HMCN1: variants seen among roughly 807,000 people sequenced by gnomAD.
HMCN1 encodes the protein hemicentin-1.
Under a neutral mutation model 625.9 loss-of-function variants are expected in HMCN1, and 321 were observed. That is an observed-to-expected ratio of 0.51 (90% confidence interval 0.47 to 0.56). HMCN1 has a LOEUF of 0.56. Among genes scored for constraint, HMCN1 ranks in the 20% least tolerant of loss-of-function variants. The pLI, the probability that HMCN1 is intolerant of heterozygous loss-of-function variation, is 0.00. For missense variants in HMCN1, 6,588 were observed against 6,887.3 expected (o/e 0.96, Z 1.54); for synonymous variants, 2,425 against 2,417.6 (o/e 1.00, Z -0.09).
At chr1:186,156,196 TTAAC>T (rs1651009248) in intron 97 of HMCN1, among the ~76,000 whole-genome samples, 5 of 152,120 alleles carry the variant, frequency 3.3e-5, no homozygotes, top group Admixed American at 2.6e-4. Context: ...ATATATAAAT[TTAAC>T]TAACTACAGA....
intron 68 of HMCN1, 129 bp downstream of exon 68, chr1:186,095,650 A>ATT: frequency 1.1e-6 from 1 of 887,388 alleles, no homozygotes; most frequent in Non-Finnish European, 1.7e-6. Flanking sequence ...TTGCATTTTA[A>ATT]TTTTTTTTAT....
intron 36 of HMCN1, 94 bp from the exon 37 acceptor site, chr1:186,037,835 AAGAAG>A: frequency 1.3e-6 from 1 of 763,858 alleles, no homozygotes; most frequent in Non-Finnish European, 2.3e-6. Flanking sequence ...ATGTGAAAAA[AAGAAG>A]AGAGGAAGAA....
At chr1:186,175,796 A>C (rs1217857360) in intron 103 of HMCN1, among the ~76,000 whole-genome samples, 2 of 150,098 alleles carry the variant, frequency 1.3e-5, no homozygotes, top group Non-Finnish European at 2.9e-5. Context: ...AGACAAGACA[A>C]TCTCTTGATG....
chr1:186,178,843 G>GT (rs1230190279), intron 104 of HMCN1, 77 bp downstream of exon 104: 4 of 1,000,312 alleles, frequency 4.0e-6, no homozygotes, highest in Non-Finnish European at 6.4e-6. Context: ...ACCTGTGATT[G>GT]TTTGAGTGCA....
chr1:186,008,979 A>G (rs557036634), intron 30 of HMCN1, among the ~76,000 whole-genome samples: 1 of 152,204 alleles, frequency 6.6e-6, no homozygotes, highest in Non-Finnish European at 1.5e-5. Context: ...ATATCTATAA[A>G]TAAAAGCCTT....
At chr1:186,069,075 A>G (rs971816126) in intron 50 of HMCN1, among the ~76,000 whole-genome samples, 31 of 152,286 alleles carry the variant, frequency 2.0e-4, no homozygotes, top group African/African-American at 7.5e-4. Context: ...AGAATGGCCT[A>G]GCCCTGCGCA....
At chr1:185,880,000 C>G (rs557792263) in intron 4 of HMCN1, among the ~76,000 whole-genome samples, 1 of 152,262 alleles carries the variant, frequency 6.6e-6, no homozygotes, top group Non-Finnish European at 1.5e-5. Flanking sequence ...AGGAGCAGAG[C>G]TGTATCCATT....
At chr1:185,954,142 T>G (rs1649446203) in intron 11 of HMCN1, among the ~76,000 whole-genome samples, 1 of 152,160 alleles carries the variant, frequency 6.6e-6, no homozygotes, top group South Asian at 2.1e-4. Flanking sequence ...CTTCAGTTAC[T>G]TCAGGCCATC....
intron 11 of HMCN1, among the ~76,000 whole-genome samples, chr1:185,958,007 A>T (rs1649745858): frequency 6.6e-6 from 1 of 152,228 alleles, no homozygotes; most frequent in African/African-American, 2.4e-5. Context: ...AATTTCTAGT[A>T]AATTTTAAGT....
chr1:186,019,545 TC>T lies in HMCN1; in HGVS notation c.5477del (p.Pro1826GlnfsTer14). The T allele has an allele frequency of 1.9e-6, 3 of 1,608,846 alleles. No homozygotes were observed. The highest frequency in any genetic ancestry group is 2.6e-6 in the Non-Finnish European group (3 of 1,175,520). The part of the protein sequence containing the change: ...KEFEVTVHVP[P>X]TIKSSGLSER... ...CTCCCCCTTCCTTAAATATAGTTCCTCCAACAATCAAGTCCTCAGGCCTTTC... is the reference window on the plus strand; with the variant it reads ...CTCCCCCTTCCTTAAATATAGTTCCTCAACAATCAAGTCCTCAGGCCTTTC... On this transcript the variant is annotated frameshift_variant, in exon 35 of 107. Transcript: ENST00000271588. LOFTEE classifies it high-confidence loss of function.
chr1:185,809,104 C>T (rs1267315514), intron 1 of HMCN1, among the ~76,000 whole-genome samples: 1 of 152,126 alleles, frequency 6.6e-6, no homozygotes, highest in Non-Finnish European at 1.5e-5. Context: ...CATATAAGCA[C>T]TTTATTAACG....
chr1:185,885,958 T>A (rs1008998186), intron 4 of HMCN1, among the ~76,000 whole-genome samples: 2 of 152,118 alleles, frequency 1.3e-5, no homozygotes, highest in Non-Finnish European at 2.9e-5. Context: ...TTTACAATTT[T>A]GTAGACATTC....
intron 2 of HMCN1, among the ~76,000 whole-genome samples, chr1:185,846,697 T>C (rs1325016237): frequency 1.3e-5 from 2 of 152,222 alleles, no homozygotes; most frequent in Non-Finnish European, 2.9e-5. Flanking sequence ...TTCTATGGTC[T>C]CTGCCTCTGT....
chr1:185,985,302 T>A (rs1437986107), intron 19 of HMCN1, among the ~76,000 whole-genome samples: 2 of 152,158 alleles, frequency 1.3e-5, no homozygotes, highest in Non-Finnish European at 2.9e-5. Context: ...ACTGACAGAT[T>A]GGATATGGTT....
intron 1 of HMCN1, among the ~76,000 whole-genome samples, chr1:185,830,972 C>T (rs1660822159): frequency 1.3e-5 from 2 of 151,796 alleles, no homozygotes; most frequent in African/African-American, 4.8e-5. Flanking sequence ...AGCACAAAGC[C>T]CTGATGATTT....
rs201414151 is a variant in HMCN1 at position 186,041,914 on chromosome 1, T to C, written c.6304+778T>C. Among the ~76,000 whole-genome samples, 5 of 152,316 alleles carry C rather than the reference T, an allele frequency of 3.3e-5. No individual in the cohort carries two copies. The East Asian group carries it at 9.6e-4, about 29-fold the overall frequency. Reference sequence around the variant, plus strand: ...AGTCCTACCTCACTTCCAAATAATTTATTCTTTTTTGAAATACATTACCTT... The same window carrying C: ...AGTCCTACCTCACTTCCAAATAATTCATTCTTTTTTGAAATACATTACCTT... On this transcript the variant is annotated intron_variant, in intron 40 of 106. Transcript: ENST00000271588.
chr1:186,167,002 G>A, intron 100 of HMCN1, 60 bp downstream of exon 100: 2 of 1,607,002 alleles, frequency 1.2e-6, no homozygotes, highest in Non-Finnish European at 1.7e-6. Context: ...CCCACCTTTT[G>A]ACTCCTCAAA....
intron 11 of HMCN1, among the ~76,000 whole-genome samples, chr1:185,959,261 C>G (rs10157843): frequency 0.04 from 6,110 of 152,088 alleles, 276 homozygotes; most frequent in African/African-American, 0.11. Flanking sequence ...CAAATCAGAC[C>G]CAGCTGACAG....
At chr1:186,158,337 G>A (rs1175195592) in intron 97 of HMCN1, among the ~76,000 whole-genome samples, 2 of 151,528 alleles carry the variant, frequency 1.3e-5, no homozygotes, top group East Asian at 3.9e-4. Flanking sequence ...CTGGATATTA[G>A]CCCATTGTCA....
Sources: gnomAD v4.1 joint callset for allele counts (sites outside exome capture counted in the v4.1 genomes callset) on GRCh38, gnomAD v4.1.1 for gene constraint, MANE v1.5 for transcripts, NCBI Gene and HGNC (gene_info 2026-07-23, HGNC 2026-07-21) for gene names.